The following CHRDL2 variants were observed in gnomAD, a reference collection of about 807,000 sequenced individuals.
The protein encoded by CHRDL2 is chordin like 2.
CHRDL2 carries 41 observed loss-of-function variants against 54.3 expected under a neutral mutation model. The observed-to-expected ratio is 0.76, with a 90% CI of 0.59 to 0.98. The LOEUF (loss-of-function observed/expected upper bound fraction) is 0.98, where lower values mean the gene tolerates loss of function less well. CHRDL2 is among the 50% of genes least tolerant of loss of function. CHRDL2 has a pLI of 0.00. For missense variants in CHRDL2, 518 were observed against 562.4 expected, an observed-to-expected ratio of 0.92 and a Z score of 0.80; for synonymous variants, 220 against 224.3, an observed-to-expected ratio of 0.98 and a Z score of 0.17.
At chr11:74,705,931 G>A (rs1415881124) in intron 6 of CHRDL2, among the ~76,000 whole-genome samples, 1 of 152,168 alleles carries the variant, frequency 6.6e-6, no homozygotes, top group African/African-American at 2.4e-5. Flanking sequence ...TGTTCATGTG[G>A]CAGACATAGC....
In CHRDL2 at chr11:74,713,462, A is replaced by G. The variant is rs535560732; in HGVS notation, c.213T>C (p.Cys71=). The change falls in exon 3 of 11, where the codon TGT becomes TGC. Residue 71 remains cysteine (C), a synonymous_variant. Coordinates refer to ENST00000376332, the MANE Select transcript of CHRDL2 (RefSeq NM_001278473.3). The stretch of plus-strand genomic sequence containing the variant: ...GGACAGGCGGACAGTGGAGGCGGTA[A>G]CAACTCACATGGGCGCCCTGAAGGG... The part of the protein sequence containing the change: ...CTCSEGAHVS[C]YRLHCPPVHC... 1.2e-6 allele frequency: 2 copies of G among 1,614,134 alleles called. 1 individual carries two copies. Among genetic ancestry groups the G allele is most frequent in the East Asian group, 4.5e-5 (2 of 44,878 alleles).
chr11:74,702,709 C>T (rs1470929727), intron 9 of CHRDL2, 85 bp downstream of exon 9: 15 of 1,444,240 alleles, frequency 1.0e-5, no homozygotes, highest in Admixed American at 3.5e-5. Context: ...ATCAGCAAAA[C>T]GTCCCTAAGG....
intron 1 of CHRDL2, chr11:74,720,158 A>G (rs895736251): frequency 6.6e-6 from 1 of 152,464 alleles, no homozygotes; most frequent in Non-Finnish European, 1.5e-5. Context: ...TTATCTCATT[A>G]ACATTATTGT....
intron 1 of CHRDL2, among the ~76,000 whole-genome samples, chr11:74,726,177 A>G (rs1232480912): frequency 6.6e-6 from 1 of 152,222 alleles, no homozygotes; most frequent in African/African-American, 2.4e-5. Context: ...AAGGGCAGGA[A>G]ACAGGGTGGG....
At chr11:74,718,857 T>A in intron 1 of CHRDL2, 25 bp from the exon 2 acceptor site, 1 of 1,464,746 alleles carries the variant, frequency 6.8e-7, no homozygotes, top group Non-Finnish European at 9.5e-7. Context: ...AGTGCCATGT[T>A]AGTCCCAGGA....
rs138429443 is a variant in CHRDL2, at chr11:74,697,008, G to A, written c.1213+197C>T. 2.3e-3 allele frequency among the ~76,000 whole-genome samples: 345 copies of A among 152,272 alleles called. 5 individuals carry two copies. The highest frequency in any genetic ancestry group is 7.8e-3 in the African/African-American group (325 of 41,550). ...CCACCCTCAGAACCAAATCCAGCCA[G>A]CTCTGCTTCACCTTCCCGCTCTGGA... is the stretch of plus-strand genomic sequence containing the variant. On this transcript the variant is annotated intron_variant, in intron 10 of 10. Coordinates refer to ENST00000376332, the MANE Select transcript of CHRDL2 (RefSeq NM_001278473.3).
chr11:74,703,400 T>C lies in CHRDL2; in HGVS notation c.851A>G (p.Asp284Gly), dbSNP rs567762819. 8 of 1,613,548 alleles carry C rather than the reference T, an allele frequency of 5.0e-6. 1 individual carries two copies. In the South Asian group the frequency reaches 8.8e-5, roughly 18 times the overall value. Residue 284 changes from aspartate to glycine, a missense_variant, in exon 8 of 11, where the codon GAT becomes GGT. By Grantham distance (94) the Asp-to-Gly change is moderately conservative. Transcript: ENST00000376332. ...PLPCILCTCEDGRQDCQRVTC... is the reference protein window; with the variant it reads ...PLPCILCTCEGGRQDCQRVTC... ...CACACGCTGGCAGTCCTGGCGGCCA[T>C]CCTCACAGGTGCATAGGATGCAGGG...
chr11:74,717,365 CA>C (rs2135268224), intron 2 of CHRDL2, among the ~76,000 whole-genome samples: 1 of 152,280 alleles, frequency 6.6e-6, no homozygotes, highest in South Asian at 2.1e-4. Context: ...TCCAATGGCT[CA>C]AAAAACTTGG....
At chr11:74,711,523 G>A (rs1334677079) in intron 3 of CHRDL2, among the ~76,000 whole-genome samples, 1 of 152,098 alleles carries the variant, frequency 6.6e-6, no homozygotes, top group East Asian at 1.9e-4. Context: ...CCATCAGTCC[G>A]TCCTCATCCT....
chr11:74,725,218 C>T (rs1953564865), intron 1 of CHRDL2, among the ~76,000 whole-genome samples: 1 of 152,210 alleles, frequency 6.6e-6, no homozygotes, highest in Non-Finnish European at 1.5e-5. Context: ...ATCTCGATCT[C>T]TTGACCTCGT....
chr11:74,702,899 G>A lies in CHRDL2; in HGVS notation c.1015C>T (p.Leu339Phe). 1 of 1,614,176 alleles carries A rather than the reference G, an allele frequency of 6.2e-7. No individual in the cohort carries two copies. The highest frequency in any genetic ancestry group is 1.1e-5 in the South Asian group (1 of 91,086). The change falls in exon 9 of 11, where the codon CTC becomes TTC. Residue 339 changes from leucine (L) to phenylalanine (F), a missense_variant. Leu to Phe is a conservative substitution (Grantham distance 22). Coordinates refer to ENST00000376332, the MANE Select transcript of CHRDL2 (RefSeq NM_001278473.3). ...CTTGGGGATACCGATGTGTGGACGA[G>A]GACCCGGCCCGGTGCCTTGGGACAC... ...TRCPKAPGRV[L>F]VHTSVSPSPD...
At chr11:74,708,135 C>T (rs1016351984) in intron 5 of CHRDL2, among the ~76,000 whole-genome samples, 167 bp downstream of exon 5, 20 of 152,218 alleles carry the variant, frequency 1.3e-4, no homozygotes, top group African/African-American at 4.3e-4. Context: ...TCAGCTTCTG[C>T]CAGGCTCTGC....
At position 74,731,074 on chromosome 11, in the gene CHRDL2, G is replaced by A. The variant is rs902554866; in HGVS notation, c.-186C>T. The stretch of plus-strand genomic sequence containing the variant: ...AAGGAGGGCAGGAAGGGAGGTCTAA[G>A]GTGGGAAGAAGAGAAAGGTGGAAAG... On this transcript the variant is annotated 5_prime_UTR_variant, in exon 1 of 11. Transcript: ENST00000376332. The surrounding 1 kb of genome is among the most constrained non-coding windows in gnomAD (Gnocchi z 4.4). 2 of 593,828 alleles carry A rather than the reference G, an allele frequency of 3.4e-6. No homozygotes were observed. Among genetic ancestry groups the A allele is most frequent in the East Asian group, 2.8e-5 (1 of 35,088 alleles). 36.8% of individuals were successfully genotyped at this position (593,828 alleles called of 1,614,324 possible). A position where few individuals can be genotyped will look rare whatever the true frequency, so the allele number is the denominator to read the frequency against.
At chr11:74,710,504 G>GT (rs2034153091) in intron 4 of CHRDL2, among the ~76,000 whole-genome samples, 1 of 152,208 alleles carries the variant, frequency 6.6e-6, no homozygotes, top group Non-Finnish European at 1.5e-5. Flanking sequence ...GATCATTTGC[G>GT]TATTCATTCT....
intron 1 of CHRDL2, among the ~76,000 whole-genome samples, chr11:74,719,954 C>T (rs773251680): frequency 1.7e-4 from 26 of 152,110 alleles, no homozygotes; most frequent in Non-Finnish European, 2.8e-4. Flanking sequence ...CCCTCCTCTA[C>T]GCAGGTACCT....
intron 2 of CHRDL2, among the ~76,000 whole-genome samples, chr11:74,718,449 G>A (rs190853180): frequency 6.6e-6 from 1 of 152,208 alleles, no homozygotes; most frequent in African/African-American, 2.4e-5. Flanking sequence ...GCACCAGCAC[G>A]AGGTGGAAAG....
At chr11:74,727,326 C>T (rs373024851) in intron 1 of CHRDL2, among the ~76,000 whole-genome samples, 2 of 152,252 alleles carry the variant, frequency 1.3e-5, no homozygotes, top group Admixed American at 6.5e-5. Context: ...CCCATGCCTG[C>T]GTCTAGGGTC....
intron 2 of CHRDL2, 115 bp from the exon 3 acceptor site, chr11:74,713,594 G>A: frequency 1.3e-6 from 1 of 754,060 alleles, no homozygotes; most frequent in South Asian, 1.8e-5. Context: ...TCGTAAGCCT[G>A]TGATTGGACT....
At chr11:74,706,355 T>G (rs894419417) in intron 6 of CHRDL2, 132 bp downstream of exon 6, 7 of 827,048 alleles carry the variant, frequency 8.5e-6, no homozygotes, top group Non-Finnish European at 1.4e-5. Context: ...TAGTGGATGT[T>G]CATGTAGCCA....
Sources: gnomAD v4.1 joint callset for allele counts (sites outside exome capture counted in the v4.1 genomes callset) on GRCh38, gnomAD v4.1.1 for gene constraint, Gnocchi (gnomAD v3.1) non-coding constraint, MANE v1.5 for transcripts, NCBI Gene and HGNC (gene_info 2026-07-23, HGNC 2026-07-21) for gene names.